Variants in ANKS1B observed in about 807,000 individuals in gnomAD.
ANKS1B encodes ankyrin repeat and sterile alpha motif domain containing 1B.
In ANKS1B, 36 loss-of-function variants were observed where a neutral mutation model predicts 148.3. That is an observed-to-expected ratio of 0.24 (90% CI 0.19 to 0.32). The LOEUF (loss-of-function observed/expected upper bound fraction) is 0.32. Ranked by LOEUF, ANKS1B falls within the 10% of genes least tolerant of loss-of-function variation. ANKS1B has a pLI of 1.00. For synonymous variants in ANKS1B, 542 were observed against 560.8 expected (o/e 0.97, Z 0.47); for missense variants, 1,157 against 1,542.6 (o/e 0.75, Z 4.19).
At chr12:99,002,718 C>T (rs1433422958) in intron 17 of ANKS1B, among the ~76,000 whole-genome samples, 1 of 152,076 alleles carries the variant, frequency 6.6e-6, no homozygotes, top group Non-Finnish European at 1.5e-5. Flanking sequence ...TTTAAGAGTT[C>T]CTTGTATATT....
At chr12:99,575,694 C>T (rs946053982) in intron 9 of ANKS1B, among the ~76,000 whole-genome samples, 1 of 152,048 alleles carries the variant, frequency 6.6e-6, no homozygotes, top group Non-Finnish European at 1.5e-5. Context: ...AGTTATCTCC[C>T]ACTGGGTCCC....
chr12:99,025,009 G>GT, intron 17 of ANKS1B, among the ~76,000 whole-genome samples: 2 of 152,208 alleles, frequency 1.3e-5, no homozygotes. Flanking sequence ...TCTTACTTCT[G>GT]TCTTCTGCCA....
rs569965438 is a variant in ANKS1B at position 99,510,765 on chromosome 12, C to T, written c.1273-6124G>A. ...AAGAAGTTCTAGTGTGAGTAAAATG[C>T]TATCAAACAGCTTTGCATGCTACAA... On this transcript the variant is annotated intron_variant, in intron 9 of 26. Coordinates refer to ENST00000683438, the MANE Select transcript of ANKS1B (RefSeq NM_001352186.2). Among the ~76,000 whole-genome samples, 6 of 152,096 alleles carry T rather than the reference C, an allele frequency of 3.9e-5. No individual in the cohort carries two copies. The East Asian group carries it at 7.8e-4, about 20-fold the overall frequency.
At chr12:99,805,976 T>C (rs889706018) in intron 4 of ANKS1B, among the ~76,000 whole-genome samples, 2 of 152,194 alleles carry the variant, frequency 1.3e-5, no homozygotes, top group East Asian at 3.9e-4. Context: ...TAGTTCTCAA[T>C]CCCAAAGGAC....
Position 98,745,758 on chromosome 12 carries a change from T to A in ANKS1B, c.3839A>T (p.Tyr1280Phe). The A allele has an allele frequency of 6.2e-7, 1 of 1,613,738 alleles. No homozygotes were observed. The change falls in exon 27 of 27, where the codon TAT becomes TTT. Residue 1280 changes from tyrosine to phenylalanine, a missense_variant. Coordinates refer to ENST00000683438, the MANE Select transcript of ANKS1B (RefSeq NM_001352186.2). ...CGAGTATCAGAAAATCGTGGTTTCA[T>A]ACTTGGTATTAATGCCCCTCTTGGC... is the stretch of plus-strand genomic sequence containing the variant. ...QEAKRGINTK[Y>F]ETTIF
intron 10 of ANKS1B, among the ~76,000 whole-genome samples, chr12:99,461,574 T>G (rs1031402200): frequency 2.0e-5 from 3 of 152,162 alleles, no homozygotes; most frequent in Non-Finnish European, 4.4e-5. Flanking sequence ...GAGTCTAATC[T>G]CATCAGATGA....
intron 4 of ANKS1B, among the ~76,000 whole-genome samples, chr12:99,795,638 C>T (rs555880846): frequency 1.1e-4 from 16 of 152,060 alleles, no homozygotes; most frequent in African/African-American, 3.9e-4. Flanking sequence ...ACTGATTTGG[C>T]TTCACAGATA....
chr12:99,018,551 T>C (rs1442889852), intron 17 of ANKS1B, among the ~76,000 whole-genome samples: 1 of 152,238 alleles, frequency 6.6e-6, no homozygotes, highest in East Asian at 1.9e-4. Flanking sequence ...GGACTGCCTT[T>C]GGAATTACTA....
chr12:99,375,198 C>CT (rs2093341233), intron 12 of ANKS1B, among the ~76,000 whole-genome samples: 1 of 152,198 alleles, frequency 6.6e-6, no homozygotes, highest in Non-Finnish European at 1.5e-5. Context: ...TAATTCTTTG[C>CT]TGTGGACAGT....
At chr12:98,876,794 T>C (rs1472176305) in intron 17 of ANKS1B, among the ~76,000 whole-genome samples, 3 of 152,178 alleles carry the variant, frequency 2.0e-5, no homozygotes, top group Non-Finnish European at 4.4e-5. Flanking sequence ...ACAAGAGCAA[T>C]TACAGAAGAT....
chr12:99,635,256 T>A (rs1286588502), intron 9 of ANKS1B, among the ~76,000 whole-genome samples: 1 of 152,168 alleles, frequency 6.6e-6, no homozygotes. Flanking sequence ...TACTGCTTGG[T>A]ATGCATCCAA....
chr12:98,909,449 A>G (rs2099783755), intron 17 of ANKS1B, among the ~76,000 whole-genome samples: 1 of 152,218 alleles, frequency 6.6e-6, no homozygotes, highest in Non-Finnish European at 1.5e-5. Flanking sequence ...AGCAGCAAAA[A>G]CAGACATTCA....
In ANKS1B at chr12:98,953,024, A is replaced by AT. The variant is rs33916677; in HGVS notation, c.2778+100132dup. Among the ~76,000 whole-genome samples, 456 of 144,340 alleles carry AT rather than the reference A, an allele frequency of 3.2e-3. 2 individuals carry two copies. In the Middle Eastern group the frequency reaches 0.033, roughly 10 times the overall value. The allele number at this position is 144,340 out of a possible 152,430, so 94.7% of individuals were successfully genotyped here. On this transcript the variant is annotated intron_variant, in intron 17 of 26. Transcript: ENST00000683438. The stretch of plus-strand genomic sequence containing the variant: ...CAAGCACACATCTCTGCACTCAGCT[A>AT]TTTTTTTTTTTTTTGAGACAGAATC...
intron 17 of ANKS1B, among the ~76,000 whole-genome samples, chr12:98,850,751 G>A (rs2099519964): frequency 6.7e-6 from 1 of 150,248 alleles, no homozygotes; most frequent in South Asian, 2.1e-4. Context: ...ACAGGCGTGA[G>A]CCACCGCACC....
chr12:99,950,051 A>G lies in ANKS1B; in HGVS notation c.134+34053T>C, dbSNP rs570803352. Among the ~76,000 whole-genome samples the G allele has an allele frequency of 5.9e-5, 9 of 151,428 alleles. No individual in the cohort carries two copies. The South Asian group carries it at 8.3e-4, about 14-fold the overall frequency. ...TCACAGCTCACTGCAGGCTAAAGCA[A>G]TTCTCTCACCTCAGCCTCCCAAATA... On this transcript the variant is annotated intron_variant, in intron 1 of 26. Coordinates refer to ENST00000683438, the MANE Select transcript of ANKS1B (RefSeq NM_001352186.2).
At chr12:99,152,909 G>C (rs968334948) in intron 15 of ANKS1B, among the ~76,000 whole-genome samples, 8 of 152,028 alleles carry the variant, frequency 5.3e-5, no homozygotes, top group Non-Finnish European at 1.0e-4. Context: ...AGTGTTCTAA[G>C]ACTTTCATAG....
chr12:99,078,974 T>C (rs1200700022), intron 16 of ANKS1B, among the ~76,000 whole-genome samples: 1 of 152,204 alleles, frequency 6.6e-6, no homozygotes. Context: ...CTGCATGTTG[T>C]GAGATGCTCT....
At chr12:99,297,750 A>G (rs2081078836) in intron 12 of ANKS1B, among the ~76,000 whole-genome samples, 1 of 151,924 alleles carries the variant, frequency 6.6e-6, no homozygotes, top group East Asian at 1.9e-4. Context: ...CTCACAGGCA[A>G]CTCCAGATCT....
At chr12:99,236,807 G>A (rs2088053411) in intron 14 of ANKS1B, among the ~76,000 whole-genome samples, 1 of 152,212 alleles carries the variant, frequency 6.6e-6, no homozygotes, top group Non-Finnish European at 1.5e-5. Context: ...CAGGGACATG[G>A]ATGGAGCTGG....
Sources: gnomAD v4.1 joint callset for allele counts (sites outside exome capture counted in the v4.1 genomes callset) on GRCh38, gnomAD v4.1.1 for gene constraint, MANE v1.5 for transcripts, NCBI Gene and HGNC (gene_info 2026-07-23, HGNC 2026-07-21) for gene names.